The following SHTN1 variants were observed in gnomAD, a reference collection of about 807,000 sequenced individuals.
SHTN1 encodes shootin-1.
Under a neutral mutation model 83.1 loss-of-function variants are expected in SHTN1, and 42 were observed. The ratio of observed to expected loss-of-function variants is 0.51; its 90% CI spans 0.39 to 0.65. SHTN1 has a LOEUF of 0.65. Among genes scored for constraint, SHTN1 ranks in the 30% least tolerant of loss-of-function variants. The probability of loss-of-function intolerance (pLI) is 0.00; values close to 1 mark genes in which losing one functional copy is unlikely to be tolerated. For synonymous variants in SHTN1, 224 were observed against 247.7 expected (o/e 0.90, Z 0.90); for missense variants, 622 against 737.8 (o/e 0.84, Z 1.82).
intron 1 of SHTN1, among the ~76,000 whole-genome samples, chr10:117,100,620 GA>G (rs1853576571): frequency 1.3e-5 from 2 of 152,116 alleles, no homozygotes; most frequent in Admixed American, 1.3e-4. Flanking sequence ...AGTGCCACAG[GA>G]AGAACTGCAC....
rs1202202314 is a variant in SHTN1 at position 116,885,174 on chromosome 10, T to C, written c.*1170A>G. ...TATTACTATCATTTTCTTTTGCCCT[T>C]AGGTGAAAAACACCTGACAGCTACA... On this transcript the variant is annotated 3_prime_UTR_variant, in exon 17 of 17. Transcript: ENST00000355371. 2.0e-5 allele frequency: 3 copies of C among 152,656 alleles called. No homozygotes were observed. The highest frequency in any genetic ancestry group is 4.4e-5 in the Non-Finnish European group (3 of 68,048). The allele number at this position is 152,656 out of a possible 1,614,324, so 9.5% of individuals were successfully genotyped here. A position where few individuals can be genotyped will look rare whatever the true frequency, so the allele number is the denominator to read the frequency against.
At chr10:116,963,538 A>C (rs1423069073) in intron 3 of SHTN1, among the ~76,000 whole-genome samples, 3 of 152,182 alleles carry the variant, frequency 2.0e-5, no homozygotes, top group African/African-American at 7.2e-5. Context: ...CTTTTAATAA[A>C]GTGTCCGTAA....
intron 11 of SHTN1, among the ~76,000 whole-genome samples, chr10:116,925,271 G>T (rs760440813): frequency 1.3e-5 from 2 of 152,208 alleles, no homozygotes; most frequent in Non-Finnish European, 2.9e-5. Flanking sequence ...CCAATCATTT[G>T]AAGGCCTAAT....
chr10:116,993,780 C>T (rs1476664343), intron 1 of SHTN1, among the ~76,000 whole-genome samples: 2 of 151,988 alleles, frequency 1.3e-5, no homozygotes, highest in East Asian at 1.9e-4. Flanking sequence ...AATATGTTTG[C>T]TTACAAAGGT....
At chr10:117,101,275 A>C (rs1286085982) in intron 1 of SHTN1, among the ~76,000 whole-genome samples, 1 of 152,194 alleles carries the variant, frequency 6.6e-6, no homozygotes, top group Non-Finnish European at 1.5e-5. Context: ...TGATCAGCTC[A>C]TCTGTATGTG....
chr10:116,987,323 G>A (rs1031742518), intron 1 of SHTN1, among the ~76,000 whole-genome samples: 1 of 152,038 alleles, frequency 6.6e-6, no homozygotes, highest in African/African-American at 2.4e-5. Context: ...CCTTCCATAC[G>A]TTACCACCAC....
chr10:117,078,340 A>G (rs550485117), intron 1 of SHTN1, among the ~76,000 whole-genome samples: 3 of 152,114 alleles, frequency 2.0e-5, no homozygotes, highest in African/African-American at 7.2e-5. Flanking sequence ...AAAGGTGATT[A>G]CCTGCCTGGC....
intron 15 of SHTN1, among the ~76,000 whole-genome samples, chr10:116,902,228 C>T (rs1847771567): frequency 6.6e-6 from 1 of 152,158 alleles, no homozygotes; most frequent in Non-Finnish European, 1.5e-5. Context: ...TGACCAGGGT[C>T]CTTCGTAATA....
At chr10:116,989,329 T>C (rs1841087965) in intron 1 of SHTN1, among the ~76,000 whole-genome samples, 1 of 152,182 alleles carries the variant, frequency 6.6e-6, no homozygotes, top group Non-Finnish European at 1.5e-5. Flanking sequence ...TGACCTTTTC[T>C]AGGATCCCAT....
chr10:117,063,266 G>C (rs1462628491), intron 1 of SHTN1, among the ~76,000 whole-genome samples: 2 of 152,278 alleles, frequency 1.3e-5, no homozygotes, highest in Non-Finnish European at 2.9e-5. Flanking sequence ...TAAAAGGCAG[G>C]AAGAGGAGGA....
Position 116,927,810 on chromosome 10 carries a change from G to A in SHTN1, c.1094C>T (p.Pro365Leu), listed in dbSNP as rs1848801484. Residue 365 changes from proline to leucine, a missense_variant, in exon 11 of 17, where the codon CCA (proline) becomes CTA (leucine). By Grantham distance (98) the Pro-to-Leu change is moderately conservative. Coordinates refer to ENST00000355371, the MANE Select transcript of SHTN1 (RefSeq NM_001127211.3). ...TGCTTACCGGATAGGATTGGGAGGT[G>A]GAGGGGGAAGTGGTGGTGGAGGAGG... ...PPPPPPPLPP[P>L]PPNPIRSLMS... 1 of 1,598,794 alleles carries A rather than the reference G, an allele frequency of 6.3e-7. No individual in the cohort carries two copies. Among genetic ancestry groups the A allele is most frequent in the Non-Finnish European group, 8.5e-7 (1 of 1,173,772 alleles).
chr10:117,087,066 A>G (rs1449599623), intron 1 of SHTN1, among the ~76,000 whole-genome samples: 4 of 152,214 alleles, frequency 2.6e-5, no homozygotes, highest in Admixed American at 2.0e-4. Context: ...TTATAGAGAT[A>G]TGAAATAGAT....
At chr10:116,934,671 T>A (rs557758063) in intron 9 of SHTN1, among the ~76,000 whole-genome samples, 2 of 152,194 alleles carry the variant, frequency 1.3e-5, no homozygotes, top group African/African-American at 4.8e-5. Flanking sequence ...CAGTTCCATA[T>A]GAAATTTAAA....
intron 1 of SHTN1, among the ~76,000 whole-genome samples, chr10:117,081,021 G>T (rs80044962): frequency 1.3e-4 from 20 of 151,414 alleles, no homozygotes; most frequent in East Asian, 3.9e-4. Context: ...TTGAATACCC[G>T]TTATTTCCTT....
chr10:116,905,617 T>C (rs940523799), intron 15 of SHTN1, among the ~76,000 whole-genome samples: 2 of 152,206 alleles, frequency 1.3e-5, no homozygotes, highest in Admixed American at 1.3e-4. Context: ...ACATGAGAAC[T>C]TGATGATCAA....
intron 10 of SHTN1, among the ~76,000 whole-genome samples, chr10:116,929,365 G>T (rs1194739413): frequency 6.6e-6 from 1 of 152,004 alleles, no homozygotes; most frequent in African/African-American, 2.4e-5. Context: ...ATATATTGTT[G>T]CCCAGTTCAT....
chr10:117,083,860 T>C (rs959293459), intron 1 of SHTN1, among the ~76,000 whole-genome samples: 1 of 152,004 alleles, frequency 6.6e-6, no homozygotes, highest in African/African-American at 2.4e-5. Context: ...TTCTGCATTC[T>C]TCACGTAGTT....
chr10:117,096,572 T>G (rs1039113625), intron 1 of SHTN1, among the ~76,000 whole-genome samples: 1 of 152,262 alleles, frequency 6.6e-6, no homozygotes, highest in African/African-American at 2.4e-5. Context: ...TCAAATGGTA[T>G]TTGTTAGATA....
chr10:116,889,572 A>C (rs912732911), intron 16 of SHTN1, among the ~76,000 whole-genome samples: 1 of 152,254 alleles, frequency 6.6e-6, no homozygotes, highest in Non-Finnish European at 1.5e-5. Context: ...TTTACAGATG[A>C]GGATGATGGG....
Sources: gnomAD v4.1 joint callset for allele counts (sites outside exome capture counted in the v4.1 genomes callset) on GRCh38, gnomAD v4.1.1 for gene constraint, MANE v1.5 for transcripts, NCBI Gene and HGNC (gene_info 2026-07-23, HGNC 2026-07-21) for gene names.